Variants in CDYL2 observed in about 807,000 individuals in gnomAD.
CDYL2 encodes the protein chromodomain Y-like protein 2.
In CDYL2, 23 loss-of-function variants were observed where a neutral mutation model predicts 49.4. That is an observed-to-expected ratio of 0.47 (90% CI 0.34 to 0.66). CDYL2 has a LOEUF of 0.66. Among genes scored for constraint, CDYL2 ranks in the 30% least tolerant of loss-of-function variants. The probability of loss-of-function intolerance (pLI) is 0.01; values close to 1 mark genes in which losing one functional copy is unlikely to be tolerated. For synonymous variants in CDYL2, 360 were observed against 268.8 expected, an observed-to-expected ratio of 1.34 and a Z score of -3.32; for missense variants, 678 against 656.4, an observed-to-expected ratio of 1.03 and a Z score of -0.36.
intron 2 of CDYL2, among the ~76,000 whole-genome samples, chr16:80,673,702 C>T (rs1253673168): frequency 6.6e-6 from 1 of 152,158 alleles, no homozygotes; most frequent in Non-Finnish European, 1.5e-5. Flanking sequence ...GGATGAATAG[C>T]AAATCCTTAA....
chr16:80,661,814 T>C (rs942366774), intron 2 of CDYL2, among the ~76,000 whole-genome samples: 2 of 152,204 alleles, frequency 1.3e-5, no homozygotes, highest in African/African-American at 2.4e-5. Context: ...ATACACCTGC[T>C]TGAAGACCCT....
chr16:80,735,713 A>G lies in CDYL2; in HGVS notation c.25-50584T>C, dbSNP rs141675358. 4.9e-3 allele frequency among the ~76,000 whole-genome samples: 747 copies of G among 152,294 alleles called. 7 individuals are homozygous for G. Among genetic ancestry groups the G allele is most frequent in the African/African-American group, 0.017 (719 of 41,564 alleles). On this transcript the variant is annotated intron_variant, in intron 1 of 6. Transcript: ENST00000570137. ...GACCTTTTTTTCTCAGGGACCACAT[A>G]GCAATAATCACTGGACTCTCGACAG...
chr16:80,705,728 A>ATTG (rs2142506027), intron 1 of CDYL2, among the ~76,000 whole-genome samples: 1 of 152,376 alleles, frequency 6.6e-6, no homozygotes, highest in African/African-American at 2.4e-5. Context: ...AACTACTCAA[A>ATTG]TCTGCCCTTG....
intron 1 of CDYL2, among the ~76,000 whole-genome samples, chr16:80,765,045 G>A (rs1368321229): frequency 2.2e-5 from 3 of 134,158 alleles, no homozygotes; most frequent in Non-Finnish European, 4.6e-5. Context: ...GGGTGACAGT[G>A]AGATTCCGTC....
chr16:80,759,456 A>T (rs1906453459), intron 1 of CDYL2, among the ~76,000 whole-genome samples: 1 of 152,184 alleles, frequency 6.6e-6, no homozygotes, highest in Non-Finnish European at 1.5e-5. Flanking sequence ...GTCAGGAAAC[A>T]AAATGATTGT....
intron 2 of CDYL2, among the ~76,000 whole-genome samples, chr16:80,672,522 GCAAA>G: frequency 1.3e-5 from 1 of 79,604 alleles, no homozygotes; most frequent in Non-Finnish European, 2.8e-5. Context: ...AAGAAGCAAA[GCAAA>G]GGAAAAGGAA....
intron 2 of CDYL2, among the ~76,000 whole-genome samples, chr16:80,633,721 C>CG (rs953737228): frequency 6.6e-6 from 1 of 152,128 alleles, no homozygotes; most frequent in East Asian, 1.9e-4. Flanking sequence ...CTGGGACCCC[C>CG]CTAGGGCTTC....
intron 1 of CDYL2, among the ~76,000 whole-genome samples, chr16:80,778,113 C>T (rs1907150005): frequency 6.6e-6 from 1 of 151,882 alleles, no homozygotes; most frequent in South Asian, 2.1e-4. Context: ...ATGGAATATC[C>T]ATTCTTTGTC....
chr16:80,684,079 G>A (rs8051989), intron 2 of CDYL2, among the ~76,000 whole-genome samples: 13,971 of 152,158 alleles, frequency 0.092, 1,289 homozygotes, highest in African/African-American at 0.24. Context: ...AAGACGGCAC[G>A]GACCCCAACC....
chr16:80,754,842 T>A (rs1324602679), intron 1 of CDYL2, among the ~76,000 whole-genome samples: 2 of 152,084 alleles, frequency 1.3e-5, no homozygotes, highest in Non-Finnish European at 2.9e-5. Context: ...ATCAAAGGGC[T>A]CCCAGGGGAG....
At chr16:80,704,120 G>A (rs1245988219) in intron 1 of CDYL2, among the ~76,000 whole-genome samples, 1 of 152,184 alleles carries the variant, frequency 6.6e-6, no homozygotes, top group Non-Finnish European at 1.5e-5. Context: ...ATTAGATGGT[G>A]CTTTCTGAAA....
rs771172090 is a variant in CDYL2, at chr16:80,599,796, C to T, written c.*4592G>A. The T allele has an allele frequency of 6.6e-6, 1 of 152,178 alleles. No individual in the cohort carries two copies. Among genetic ancestry groups the T allele is most frequent in the Non-Finnish European group, 1.5e-5 (1 of 68,046 alleles). 9.4% of individuals were successfully genotyped at this position (152,178 alleles called of 1,614,324 possible). A position where few individuals can be genotyped will look rare whatever the true frequency, so the allele number is the denominator to read the frequency against. On this transcript the variant is annotated 3_prime_UTR_variant, in exon 7 of 7. Coordinates refer to ENST00000570137, the MANE Select transcript of CDYL2 (RefSeq NM_152342.4). ...GATGGACCAGCAGCCTTCCCTATGA[C>T]CGTGTCTAAACCATGTTTACAGTAT...
At chr16:80,735,842 A>G (rs1905503592) in intron 1 of CDYL2, among the ~76,000 whole-genome samples, 1 of 152,206 alleles carries the variant, frequency 6.6e-6, no homozygotes, top group South Asian at 2.1e-4. Context: ...TCCTACTTTC[A>G]GAGAATGTTT....
At chr16:80,754,572 C>T (rs544211425) in intron 1 of CDYL2, among the ~76,000 whole-genome samples, 118 of 152,280 alleles carry the variant, frequency 7.7e-4, no homozygotes, top group African/African-American at 2.7e-3. Context: ...GGCAGTCTAG[C>T]GTCCACCCTC....
chr16:80,606,283 A>G (rs1906328731), intron 6 of CDYL2, among the ~76,000 whole-genome samples: 1 of 152,186 alleles, frequency 6.6e-6, no homozygotes, highest in South Asian at 2.1e-4. Context: ...CTTTCTTGGG[A>G]AACCCCCCCA....
chr16:80,767,726 T>TA (rs1906773073), intron 1 of CDYL2, among the ~76,000 whole-genome samples: 1 of 152,202 alleles, frequency 6.6e-6, no homozygotes, highest in African/African-American at 2.4e-5. Flanking sequence ...AGAATGCAAC[T>TA]GAAATGCCAG....
chr16:80,751,329 G>A (rs144432155), intron 1 of CDYL2, among the ~76,000 whole-genome samples: 62 of 152,312 alleles, frequency 4.1e-4, no homozygotes, highest in African/African-American at 1.4e-3. Flanking sequence ...CCAAAAATCC[G>A]GAGGAAGGAC....
chr16:80,607,687 A>C (rs1906402862), intron 6 of CDYL2, among the ~76,000 whole-genome samples: 2 of 152,264 alleles, frequency 1.3e-5, no homozygotes, highest in African/African-American at 4.8e-5. Context: ...AACAAATGAA[A>C]TAGAGGCATG....
At chr16:80,686,113 T>C (rs930157753) in intron 1 of CDYL2, among the ~76,000 whole-genome samples, 1 of 152,238 alleles carries the variant, frequency 6.6e-6, no homozygotes, top group Non-Finnish European at 1.5e-5. Flanking sequence ...CAGGCGATAC[T>C]GGTGGGATTT....
Sources: allele counts gnomAD v4.1 joint callset (sites outside exome capture counted in the v4.1 genomes callset), GRCh38; gene constraint gnomAD v4.1.1; transcripts MANE v1.5; gene names NCBI Gene and HGNC (gene_info 2026-07-23, HGNC 2026-07-21).